MSH6: variants seen among roughly 807,000 people sequenced by gnomAD.
MSH6 encodes mutS homolog 6, also known as DNA mismatch repair protein Msh6.
A neutral mutation model predicts 119.1 loss-of-function variants in MSH6; 85 were observed. The ratio of observed to expected loss-of-function variants is 0.71; its 90% CI spans 0.60 to 0.85. The LOEUF (loss-of-function observed/expected upper bound fraction) is 0.85, where lower values mean the gene tolerates loss of function less well. Ranked by LOEUF, MSH6 falls within the 40% of genes least tolerant of loss-of-function variation. MSH6 has a pLI of 0.00. For missense variants in MSH6, 2,163 were observed against 1,655.3 expected (o/e 1.31, Z -5.32); for synonymous variants, 830 against 586.9 (o/e 1.41, Z -5.99).
chr2:47,783,488 C>A lies in MSH6; in HGVS notation c.255C>A (p.Pro85=), dbSNP rs587779242. The A allele has an allele frequency of 7.4e-5, 105 of 1,427,282 alleles. No homozygotes were observed. Among genetic ancestry groups the A allele is most frequent in the Non-Finnish European group, 9.3e-5 (101 of 1,090,546 alleles). 88.4% of individuals were successfully genotyped at this position (1,427,282 alleles called of 1,614,324 possible). A position where few individuals can be genotyped will look rare whatever the true frequency, so the allele number is the denominator to read the frequency against. Residue 85 remains proline, a synonymous_variant, in exon 1 of 10, where the codon CCC becomes CCA. Coordinates refer to ENST00000234420, the MANE Select transcript of MSH6 (RefSeq NM_000179.3). ...GGAGATCGGTAGCGCCTGCTGCCCC[C>A]ACCAGGTAGCGGGGTGGGGGTGGGG... ...GLRRSVAPAA[P]TSCDFSPGDL...
At chr2:47,783,687 A>T (rs1216813776) in intron 1 of MSH6, 194 bp downstream of exon 1, 3 of 555,346 alleles carry the variant, frequency 5.4e-6, no homozygotes, top group Non-Finnish European at 8.6e-6. Flanking sequence ...GCTTGTAAAC[A>T]GGGTCGGAGG....
At position 47,783,485 on chromosome 2, in the gene MSH6, C is replaced by T. The variant is rs1572698569; in HGVS notation, c.252C>T (p.Ala84=). The T allele has an allele frequency of 2.1e-6, 3 of 1,431,530 alleles. No homozygotes were observed. The highest frequency in any genetic ancestry group is 2.7e-6 in the Non-Finnish European group (3 of 1,092,734). 88.7% of individuals were successfully genotyped at this position (1,431,530 alleles called of 1,614,324 possible). A position where few individuals can be genotyped will look rare whatever the true frequency, so the allele number is the denominator to read the frequency against. ...GGLRRSVAPA[A]PTSCDFSPGD... is the part of the protein sequence containing the mutation. ...TGCGGAGATCGGTAGCGCCTGCTGC[C>T]CCCACCAGGTAGCGGGGTGGGGGTG... Residue 84 remains alanine (A), a synonymous_variant, in exon 1 of 10, where the codon GCC becomes GCT. Transcript: ENST00000234420.
chr2:47,806,169 T>A, intron 7 of MSH6, 35 bp from the exon 8 acceptor site: 1 of 1,600,284 alleles, frequency 6.2e-7, no homozygotes, highest in Non-Finnish European at 8.6e-7. Context: ...TTAATTCCTT[T>A]GAGTTACTTC....
At chr2:47,791,294 C>T (rs1668718273) in intron 2 of MSH6, among the ~76,000 whole-genome samples, 171 bp downstream of exon 2, 1 of 152,104 alleles carries the variant, frequency 6.6e-6, no homozygotes, top group African/African-American at 2.4e-5. Flanking sequence ...AGGGATGTAA[C>T]ATGGTCTTTA....
At chr2:47,808,697 A>G (rs1572755001), downstream of MSH6, 9 of 359,552 alleles carry the variant, frequency 2.5e-5, no homozygotes, top group South Asian at 6.4e-4. Context: ...TCTGGGCTGA[A>G]AACAATTTTT....
Position 47,803,753 on chromosome 2 carries a change from A to G in MSH6, c.3438+68A>G, listed in dbSNP as rs1558388034. On this transcript the variant is annotated intron_variant, in intron 5 of 9. Transcript: ENST00000234420. ...ACATTAGGAATAACATACTTAGGTG[A>G]TCATTTTCCAAACACAGTTACATAA... 5 of 1,584,206 alleles carry G rather than the reference A, an allele frequency of 3.2e-6. No individual in the cohort carries two copies. In the South Asian group the frequency reaches 3.3e-5, roughly 11 times the overall value.
chr2:47,792,230 C>A (rs1452476414), intron 2 of MSH6, among the ~76,000 whole-genome samples: 1 of 152,210 alleles, frequency 6.6e-6, no homozygotes, highest in Non-Finnish European at 1.5e-5. Context: ...CTCAGGTGAT[C>A]TGCCCATTTC....
At position 47,796,881 on chromosome 2, in the gene MSH6, AACTTGGGAGGCAGAGGG is replaced by A. The variant is rs1035265697; in HGVS notation, c.627+836_627+852del. ...GAGGCTGAGGCATGAGAATTGCTTG[AACTTGGGAGGCAGAGGG>A]ACTTGGGAGGCAGAGGGTGTAGTGA... On this transcript the variant is annotated intron_variant, in intron 3 of 9. Transcript: ENST00000234420. Among the ~76,000 whole-genome samples the A allele has an allele frequency of 6.6e-5, 10 of 152,238 alleles. No individual in the cohort carries two copies. In the East Asian group the frequency reaches 1.3e-3, roughly 21 times the overall value.
chr2:47,805,336 C>T (rs946591644), intron 6 of MSH6, among the ~76,000 whole-genome samples: 1 of 152,068 alleles, frequency 6.6e-6, no homozygotes, highest in Non-Finnish European at 1.5e-5. Flanking sequence ...CATGCCATCA[C>T]GCCCAGCTAA....
intron 5 of MSH6, 150 bp downstream of exon 5, chr2:47,803,835 T>G: frequency 1.2e-6 from 1 of 834,494 alleles, no homozygotes; most frequent in Non-Finnish European, 1.9e-6. Context: ...TGTTATAAAA[T>G]TGAGAATTAT....
chr2:47,803,755 C>A (rs1669780601), intron 5 of MSH6, 70 bp downstream of exon 5: 4 of 1,579,646 alleles, frequency 2.5e-6, no homozygotes, highest in African/African-American at 1.3e-5. Context: ...CTTAGGTGAT[C>A]ATTTTCCAAA....
downstream of MSH6, chr2:47,809,131 C>T: frequency 7.3e-7 from 1 of 1,378,600 alleles, no homozygotes; most frequent in Non-Finnish European, 1.0e-6. Flanking sequence ...TTCCTCTTTT[C>T]AGGACTCAAA....
At chr2:47,804,360 T>C (rs1171077675) in intron 5 of MSH6, among the ~76,000 whole-genome samples, 1 of 152,218 alleles carries the variant, frequency 6.6e-6, no homozygotes, top group Non-Finnish European at 1.5e-5. Context: ...TGTAAAGTTT[T>C]TTATATTTTT....
Position 47,783,421 on chromosome 2 carries a change from C to G in MSH6, c.188C>G (p.Ser63Cys), listed in dbSNP as rs587779920. The G allele has an allele frequency of 4.0e-6, 6 of 1,509,306 alleles. No individual in the cohort carries two copies. The highest frequency in any genetic ancestry group is 2.9e-5 in the African/African-American group (2 of 69,656). The allele number at this position is 1,509,306 out of a possible 1,614,324, so 93.5% of individuals were successfully genotyped here. Residue 63 changes from serine to cysteine, a missense_variant, in exon 1 of 10, where the codon TCC becomes TGC. By Grantham distance (112) the Ser-to-Cys change is moderately radical. Coordinates refer to ENST00000234420, the MANE Select transcript of MSH6 (RefSeq NM_000179.3). ...CCTGGGCCCAGGCCCTTGGCGCGCT[C>G]CGCGTCACCGCCCAAGGCGAAGAAC... ...AGPGPRPLARSASPPKAKNLN... is the reference protein window; with the variant it reads ...AGPGPRPLARCASPPKAKNLN...
Position 47,791,051 on chromosome 2 carries a change from G to C in MSH6, c.385G>C (p.Val129Leu), listed in dbSNP as rs1572708884. The part of the protein sequence containing the change: ...FIREKGKSVR[V>L]HVQFFDDSPT... ...CCGCGAGAAAGGGAAATCAGTCCGT[G>C]TTCATGTACAGTTTTTTGATGACAG... Residue 129 changes from valine (V) to leucine (L), a missense_variant, in exon 2 of 10, where the codon GTT becomes CTT. Physicochemically the swap from Val to Leu is conservative, Grantham distance 32. Transcript: ENST00000234420. 1 of 1,614,218 alleles carries C rather than the reference G, an allele frequency of 6.2e-7. No individual in the cohort carries two copies. Among genetic ancestry groups the C allele is most frequent in the Non-Finnish European group, 8.5e-7 (1 of 1,180,034 alleles).
chr2:47,783,780 TG>T, intron 1 of MSH6: 1 of 290,042 alleles, frequency 3.4e-6, no homozygotes, highest in Non-Finnish European at 4.6e-6. Flanking sequence ...TCCCGCCAGG[TG>T]GGGGTGCTGG....
downstream of MSH6, chr2:47,809,069 C>T (rs756673223): frequency 2.6e-5 from 20 of 763,400 alleles, no homozygotes; most frequent in Admixed American, 5.3e-5. Context: ...GTCTCAACAC[C>T]GGCAAATAGC....
Position 47,783,291 on chromosome 2 carries a change from G to C in MSH6, c.58G>C (p.Ala20Pro), listed in dbSNP as rs1439274983. 6.2e-7 allele frequency: 1 copy of C among 1,612,156 alleles called. No homozygotes were observed. The stretch of plus-strand genomic sequence containing the variant: ...CCCCAAGTCTCCGGCGCTGAGTGAT[G>C]CCAACAAGGCCTCGGCCAGGGCCTC... ...FFPKSPALSD[A>P]NKASARASRE... Residue 20 changes from alanine to proline, a missense_variant, in exon 1 of 10, where the codon GCC (alanine) becomes CCC (proline). Transcript: ENST00000234420.
intron 2 of MSH6, 63 bp from the exon 3 acceptor site, chr2:47,795,831 T>C: frequency 2.7e-6 from 4 of 1,462,108 alleles, no homozygotes; most frequent in Non-Finnish European, 3.8e-6. Context: ...CTTGAACTGC[T>C]GGGATTACAG....
Sources: gnomAD v4.1 joint callset for allele counts (sites outside exome capture counted in the v4.1 genomes callset) on GRCh38, gnomAD v4.1.1 for gene constraint, MANE v1.5 for transcripts, NCBI Gene and HGNC (gene_info 2026-07-23, HGNC 2026-07-21) for gene names.